The following COL11A2 variants were observed in gnomAD, a reference collection of about 807,000 sequenced individuals.
COL11A2 encodes the protein collagen type XI alpha 2 chain.
Under a neutral mutation model 273.4 loss-of-function variants are expected in COL11A2, and 116 were observed. The observed-to-expected ratio is 0.42, with a 90% confidence interval of 0.36 to 0.49. The LOEUF is 0.49. Ranked by LOEUF, COL11A2 falls within the 20% of genes least tolerant of loss-of-function variation. The pLI is 0.00. For synonymous variants in COL11A2, 782 were observed against 864.2 expected, an observed-to-expected ratio of 0.90 and a Z score of 1.67; for missense variants, 1,866 against 2,309.0, an observed-to-expected ratio of 0.81 and a Z score of 3.93.
At position 33,167,051 on chromosome 6, in the gene COL11A2, G is replaced by C; in HGVS notation, c.4230+19C>G. The C allele has an allele frequency of 6.2e-7, 1 of 1,613,052 alleles. No homozygotes were observed. Among genetic ancestry groups the C allele is most frequent in the African/African-American group, 1.3e-5 (1 of 74,966 alleles). ...GGTGATGGGAGAGACACCTGGCCAC[G>C]TGTCTGTCTGTCACTCACCTTCTCT... On this transcript the variant is annotated intron_variant, in intron 58 of 65. Transcript: ENST00000341947. This position sits in a 1 kb window ranked among gnomAD's most constrained non-coding sequence, Gnocchi z 6.1.
At position 33,183,120 on chromosome 6, in the gene COL11A2, C is replaced by T. The variant is rs866923439; in HGVS notation, c.1119+1025G>A. Among the ~76,000 whole-genome samples, 8 of 152,080 alleles carry T rather than the reference C, an allele frequency of 5.3e-5. No homozygotes were observed. The East Asian group carries it at 1.2e-3, about 22-fold the overall frequency. Reference sequence around the variant, plus strand: ...ACTGCAAGGCAGGCAGAAGACGGAGCGGAGTAGACAGGAAGCAGTCCCACT... The same window carrying T: ...ACTGCAAGGCAGGCAGAAGACGGAGTGGAGTAGACAGGAAGCAGTCCCACT... On this transcript the variant is annotated intron_variant, in intron 8 of 65. Coordinates refer to ENST00000341947, the MANE Select transcript of COL11A2 (RefSeq NM_080680.3).
In COL11A2 at chr6:33,189,460, G is replaced by A. The variant is rs1562391013; in HGVS notation, c.92C>T (p.Pro31Leu). 6.2e-7 allele frequency: 1 copy of A among 1,613,070 alleles called. No homozygotes were observed. The highest frequency in any genetic ancestry group is 8.5e-7 in the Non-Finnish European group (1 of 1,180,022). Residue 31 changes from proline (P) to leucine (L), a missense_variant, in exon 2 of 66, where the codon CCT becomes CTT. Transcript: ENST00000341947. The surrounding 1 kb of genome is among the most constrained non-coding windows in gnomAD (Gnocchi z 5.6). ...SAAPGWAGAP[P>L]VDVLRALRFP... is the part of the protein sequence containing the mutation. The stretch of plus-strand genomic sequence containing the variant: ...CCTCAGGGCCCGGAGCACATCCACA[G>A]GGGGTGCACCTGGGAGAGTCCATGA...
At chr6:33,172,130 G>T (rs948037345) in intron 40 of COL11A2, 27 bp from the exon 41 acceptor site, 2 of 1,612,562 alleles carry the variant, frequency 1.2e-6, no homozygotes, top group African/African-American at 2.7e-5. Context: ...TGGGGAAGAT[G>T]AGACTTCACG....
Position 33,177,881 on chromosome 6 carries a change from G to A in COL11A2, c.1873-175C>T. Reference sequence around the variant, plus strand: ...TGGGACTGTGGATCTGTGGGCTTGTGGGCTTTGGTTTTGTTTTTCTTGAAG... The same window carrying A: ...TGGGACTGTGGATCTGTGGGCTTGTAGGCTTTGGTTTTGTTTTTCTTGAAG... On this transcript the variant is annotated intron_variant, in intron 21 of 65. Coordinates refer to ENST00000341947, the MANE Select transcript of COL11A2 (RefSeq NM_080680.3). The surrounding 1 kb of genome is among the most constrained non-coding windows in gnomAD (Gnocchi z 5.9). 1.2e-6 allele frequency: 1 copy of A among 812,930 alleles called. No homozygotes were observed. The highest frequency in any genetic ancestry group is 2.0e-6 in the Non-Finnish European group (1 of 495,810). 50.4% of individuals were successfully genotyped at this position (812,930 alleles called of 1,614,324 possible). A position where few individuals can be genotyped will look rare whatever the true frequency, so the allele number is the denominator to read the frequency against.
Position 33,192,302 on chromosome 6 carries a change from T to C in COL11A2, c.-62A>G. On this transcript the variant is annotated 5_prime_UTR_variant, in exon 1 of 66. Coordinates refer to ENST00000341947, the MANE Select transcript of COL11A2 (RefSeq NM_080680.3). ...GGTCGGCCTGAGACGCTGGATGCCCTGAGGCTGACAGAAGACAGGGAGCAG... is the reference window on the plus strand; with the variant it reads ...GGTCGGCCTGAGACGCTGGATGCCCCGAGGCTGACAGAAGACAGGGAGCAG... 1 of 1,466,216 alleles carries C rather than the reference T, an allele frequency of 6.8e-7. No homozygotes were observed. Among genetic ancestry groups the C allele is most frequent in the Non-Finnish European group, 9.3e-7 (1 of 1,073,796 alleles). 90.8% of individuals were successfully genotyped at this position (1,466,216 alleles called of 1,614,324 possible). A position where few individuals can be genotyped will look rare whatever the true frequency, so the allele number is the denominator to read the frequency against.
rs1361214393 is a variant in COL11A2, at chr6:33,173,394, G to A, written c.2690C>T (p.Pro897Leu). ...FPGPKGPPGP[P>L]GKDGLPGHPG... ...GTGTCCCGGCAGCCCATCCTTCCCA[G>A]GGGGGCCCTGGAAGGGGTTCAGTTG... The change falls in exon 37 of 66, where the codon CCT becomes CTT. Residue 897 changes from proline (P) to leucine (L), a missense_variant. Transcript: ENST00000341947. This position sits in a 1 kb window ranked among gnomAD's most constrained non-coding sequence, Gnocchi z 6.3. 6.2e-7 allele frequency: 1 copy of A among 1,609,586 alleles called. No individual in the cohort carries two copies. The highest frequency in any genetic ancestry group is 8.5e-7 in the Non-Finnish European group (1 of 1,177,674).
chr6:33,179,261 C>T lies in COL11A2; in HGVS notation c.1527G>A (p.Leu509=). ...GPLGQPGSPG[L]KGESGDLGPQ... ...GTCCTAAGTCTCCAGACTCTCCTTT[C>T]AGGCCAGGGCTCCCAGGTTGGCCCT... Residue 509 remains leucine, a synonymous_variant, in exon 15 of 66, where the codon CTG becomes CTA. Transcript: ENST00000341947. This position sits in a 1 kb window ranked among gnomAD's most constrained non-coding sequence, Gnocchi z 6.4. 2 of 1,611,540 alleles carry T rather than the reference C, an allele frequency of 1.2e-6. No individual in the cohort carries two copies. The highest frequency in any genetic ancestry group is 1.7e-6 in the Non-Finnish European group (2 of 1,179,320).
In COL11A2 at chr6:33,164,707, G is replaced by C; in HGVS notation, c.4863+145C>G. 1 of 746,354 alleles carries C rather than the reference G, an allele frequency of 1.3e-6. No homozygotes were observed. The highest frequency in any genetic ancestry group is 2.7e-5 in the East Asian group (1 of 36,886). 46.2% of individuals were successfully genotyped at this position (746,354 alleles called of 1,614,324 possible). ...ATCAGAGGACCGGTGAAAAGGAAAA[G>C]AAGAAAGAGCTAAGAAGTGGAGAAG... On this transcript the variant is annotated intron_variant, in intron 64 of 65. Transcript: ENST00000341947. The surrounding 1 kb of genome is among the most constrained non-coding windows in gnomAD (Gnocchi z 4.7).
intron 4 of COL11A2, among the ~76,000 whole-genome samples, chr6:33,187,624 T>G (rs983701559): frequency 6.6e-6 from 1 of 151,964 alleles, no homozygotes; most frequent in Non-Finnish European, 1.5e-5. Flanking sequence ...GAGGGTGGAC[T>G]GGTGGGCAGA....
chr6:33,170,947 G>A lies in COL11A2; in HGVS notation c.3367-30C>T, dbSNP rs773732565. 2 of 1,584,438 alleles carry A rather than the reference G, an allele frequency of 1.3e-6. No individual in the cohort carries two copies. Among genetic ancestry groups the A allele is most frequent in the East Asian group, 4.6e-5 (2 of 43,640 alleles). ...AGGGTTGAGGGAAAGCAGAGACAAG[G>A]ACACAGGGATGGGTCATGGGTCAGG... On this transcript the variant is annotated intron_variant, in intron 45 of 65. Transcript: ENST00000341947. This position sits in a 1 kb window ranked among gnomAD's most constrained non-coding sequence, Gnocchi z 4.3.
rs1180927862 is a variant in COL11A2, at chr6:33,163,807, G to T, written c.5082C>A (p.Gly1694=). The change falls in exon 66 of 66, where the codon GGC becomes GGA. Residue 1694 remains glycine (G), a synonymous_variant. Transcript: ENST00000341947. The surrounding 1 kb of genome is among the most constrained non-coding windows in gnomAD (Gnocchi z 4.1). ...EFRDGCQTQQ[G]RTVLEVRTPV... Reference sequence around the variant, plus strand: ...GCGTTCGCACCTCCAGCACCGTCCGGCCTTGCTGTGTCTTCAGGGGGAGAC... The same window carrying T: ...GCGTTCGCACCTCCAGCACCGTCCGTCCTTGCTGTGTCTTCAGGGGGAGAC... 6.2e-7 allele frequency: 1 copy of T among 1,613,004 alleles called. No homozygotes were observed. Among genetic ancestry groups the T allele is most frequent in the East Asian group, 2.2e-5 (1 of 44,890 alleles).
Position 33,171,526 on chromosome 6 carries a change from G to A in COL11A2, c.3199C>T (p.Pro1067Ser). The A allele has an allele frequency of 6.2e-7, 1 of 1,613,956 alleles. No individual in the cohort carries two copies. Among genetic ancestry groups the A allele is most frequent in the Non-Finnish European group, 8.5e-7 (1 of 1,179,982 alleles). Residue 1067 changes from proline (P) to serine (S), a missense_variant, in exon 43 of 66, where the codon CCT (proline) becomes TCT (serine). Coordinates refer to ENST00000341947, the MANE Select transcript of COL11A2 (RefSeq NM_080680.3). The part of the protein sequence containing the change: ...GPTGRDGVQG[P>S]VGLPGPAGPP... ...CCAGCAGGACCAGGAAGCCCCACAG[G>A]ACCCTGCACTCCATCTCGGCCAGTC...
chr6:33,175,465 T>C, intron 30 of COL11A2, 109 bp downstream of exon 30: 1 of 843,874 alleles, frequency 1.2e-6, no homozygotes, highest in Non-Finnish European at 2.0e-6. Flanking sequence ...GACTAATGCA[T>C]GGCCATCTTC....
At position 33,188,350 on chromosome 6, in the gene COL11A2, T is replaced by C. The variant is rs1329823252; in HGVS notation, c.606+12A>G. The C allele has an allele frequency of 6.2e-7, 1 of 1,613,016 alleles. No individual in the cohort carries two copies. Among genetic ancestry groups the C allele is most frequent in the Non-Finnish European group, 8.5e-7 (1 of 1,180,012 alleles). ...ACCAGAAGTCAATCCTGCCTCTGAT[T>C]GCTCTGGTTACCTCAAAGACTTCTT... On this transcript the variant is annotated intron_variant, in intron 4 of 65. Transcript: ENST00000341947.
Position 33,167,036 on chromosome 6 carries a change from G to T in COL11A2, c.4230+34C>A, listed in dbSNP as rs775962248. 1.2e-6 allele frequency: 2 copies of T among 1,611,888 alleles called. No homozygotes were observed. Among genetic ancestry groups the T allele is most frequent in the South Asian group, 1.1e-5 (1 of 91,002 alleles). On this transcript the variant is annotated intron_variant, in intron 58 of 65. Transcript: ENST00000341947. This position sits in a 1 kb window ranked among gnomAD's most constrained non-coding sequence, Gnocchi z 6.1. ...GGTTTCAGGGGCGAGGGTGATGGGA[G>T]AGACACCTGGCCACGTGTCTGTCTG...
At position 33,171,881 on chromosome 6, in the gene COL11A2, C is replaced by T. The variant is rs541504296; in HGVS notation, c.3043-61G>A. 10 of 1,589,720 alleles carry T rather than the reference C, an allele frequency of 6.3e-6. No homozygotes were observed. The South Asian group carries it at 8.8e-5, about 14-fold the overall frequency. On this transcript the variant is annotated intron_variant, in intron 41 of 65. Transcript: ENST00000341947. ...ACACCAGCCCGCCCATACCAGAGAA[C>T]CTCAGACCACAATTCCCAAAAGCTC...
At position 33,178,969 on chromosome 6, in the gene COL11A2, C is replaced by T. The variant is rs771011407; in HGVS notation, c.1616G>A (p.Arg539Gln). 22 of 1,613,852 alleles carry T rather than the reference C, an allele frequency of 1.4e-5. No homozygotes were observed. The highest frequency in any genetic ancestry group is 1.6e-4 in the Middle Eastern group (1 of 6,084). ...GPPGKAGRRG[R>Q]AGADGARGMP... ...CCCTCGGGCTCCATCAGCACCTGCC[C>T]GGCCCTGGGAGAACAAGGGAAGTGT... is the stretch of plus-strand genomic sequence containing the variant. Residue 539 changes from arginine (R) to glutamine (Q), a missense_variant, in exon 17 of 66, where the codon CGG (arginine) becomes CAG (glutamine). Physicochemically the swap from Arg to Gln is conservative, Grantham distance 43. Transcript: ENST00000341947. This position sits in a 1 kb window ranked among gnomAD's most constrained non-coding sequence, Gnocchi z 4.6.
chr6:33,168,672 G>A (rs558579179), intron 53 of COL11A2, 34 bp downstream of exon 53: 19 of 1,590,076 alleles, frequency 1.2e-5, no homozygotes, highest in Admixed American at 1.8e-5. Flanking sequence ...TGAGGCTTGG[G>A]CTCAGGGGGG....
At chr6:33,174,080 C>T (rs757369470) in intron 32 of COL11A2, 25 bp from the exon 33 acceptor site, 2 of 1,613,440 alleles carry the variant, frequency 1.2e-6, no homozygotes, top group East Asian at 2.2e-5. Context: ...GCAGAGAGAA[C>T]ATTACCCAGG....
Sources: allele counts gnomAD v4.1 joint callset (sites outside exome capture counted in the v4.1 genomes callset), GRCh38; gene constraint gnomAD v4.1.1; non-coding constraint Gnocchi (gnomAD v3.1); transcripts MANE v1.5; gene names NCBI Gene and HGNC (gene_info 2026-07-23, HGNC 2026-07-21).